Variants in ABI3 observed in about 807,000 individuals in gnomAD.
The protein encoded by ABI3 is ABI family member 3.
A neutral mutation model predicts 37.0 loss-of-function variants in ABI3; 24 were observed. That is an observed-to-expected ratio of 0.65 (90% CI 0.47 to 0.91). The LOEUF is 0.91. Among genes scored for constraint, ABI3 ranks in the 40% least tolerant of loss-of-function variants. The pLI, the probability that ABI3 is intolerant of heterozygous loss-of-function variation, is 0.00. For missense variants in ABI3, 481 were observed against 485.1 expected (o/e 0.99, Z 0.08); for synonymous variants, 220 against 211.8 (o/e 1.04, Z -0.34).
In ABI3 at chr17:49,219,106, A is replaced by C. The variant is rs1402107031; in HGVS notation, c.463-434A>C. 1.3e-5 allele frequency among the ~76,000 whole-genome samples: 2 copies of C among 152,036 alleles called. No individual in the cohort carries two copies. Among genetic ancestry groups the C allele is most frequent in the East Asian group, 3.9e-4 (2 of 5,190 alleles). On this transcript the variant is annotated intron_variant, in intron 3 of 7. Coordinates refer to ENST00000225941, the MANE Select transcript of ABI3 (RefSeq NM_016428.3). This position sits in a 1 kb window ranked among gnomAD's most constrained non-coding sequence, Gnocchi z 4.3. ...CCTGGGTCTTGCTCCTCTCTGCCCT[A>C]ACTCCCCAAAGCCAGTTCCACAAAT...
chr17:49,222,328 C>A (rs1429037163), intron 7 of ABI3, 103 bp downstream of exon 7: 4 of 1,474,688 alleles, frequency 2.7e-6, no homozygotes, highest in Non-Finnish European at 3.6e-6. Context: ...CCCCCGGGCC[C>A]CCCACACAAT....
chr17:49,215,725 C>T (rs2043212095), intron 1 of ABI3, among the ~76,000 whole-genome samples: 1 of 151,722 alleles, frequency 6.6e-6, no homozygotes. Flanking sequence ...CTCAAACTCC[C>T]GACCTCAAGT....
chr17:49,220,567 G>A (rs1249687197), intron 6 of ABI3, among the ~76,000 whole-genome samples: 1 of 152,118 alleles, frequency 6.6e-6, no homozygotes, highest in Non-Finnish European at 1.5e-5. Context: ...AATCCTGGCC[G>A]GGCGCGGTGG....
rs771368722 is a variant in ABI3 at position 49,222,134 on chromosome 17, C to G, written c.846C>G (p.Pro282=). The change falls in exon 7 of 8, where the codon CCC becomes CCG. Residue 282 remains proline (P), a synonymous_variant. Coordinates refer to ENST00000225941, the MANE Select transcript of ABI3 (RefSeq NM_016428.3). ...CACTGGACCTGCCTCCTCCTCCACC[C>G]CTGGATGGAGATGAATTGGGGCTGC... ...PLPLDLPPPP[P]LDGDELGLPP... is the part of the protein sequence containing the mutation. The G allele has an allele frequency of 1.9e-6, 3 of 1,613,508 alleles. No individual in the cohort carries two copies. Among genetic ancestry groups the G allele is most frequent in the East Asian group, 4.5e-5 (2 of 44,866 alleles).
At position 49,219,675 on chromosome 17, in the gene ABI3, C is replaced by G. The variant is rs781549743; in HGVS notation, c.548+50C>G. ...TAGCCTAGCCCTGCCCCGCGCGACC[C>G]TGAAACTCTCCTCCCCCAGCCTCGC... is the stretch of plus-strand genomic sequence containing the variant. On this transcript the variant is annotated intron_variant, in intron 4 of 7. Transcript: ENST00000225941. The surrounding 1 kb of genome is among the most constrained non-coding windows in gnomAD (Gnocchi z 4.3). The G allele has an allele frequency of 6.6e-7, 1 of 1,518,370 alleles. No homozygotes were observed. Among genetic ancestry groups the G allele is most frequent in the Non-Finnish European group, 9.0e-7 (1 of 1,116,428 alleles). 94.1% of individuals were successfully genotyped at this position (1,518,370 alleles called of 1,614,324 possible). A position where few individuals can be genotyped will look rare whatever the true frequency, so the allele number is the denominator to read the frequency against.
intron 6 of ABI3, 58 bp from the exon 7 acceptor site, chr17:49,222,033 T>A: frequency 6.6e-7 from 1 of 1,514,442 alleles, no homozygotes; most frequent in Non-Finnish European, 8.8e-7. Context: ...AGCAGTTCCC[T>A]GACACACTGA....
At chr17:49,222,067 C>T in intron 6 of ABI3, 24 bp from the exon 7 acceptor site, 8 of 1,573,394 alleles carry the variant, frequency 5.1e-6, no homozygotes, top group Non-Finnish European at 6.9e-6. Context: ...GCCACACTTA[C>T]AGCCTTTCTG....
rs1028674743 is a variant in ABI3, at chr17:49,220,406, A to C, written c.802+80A>C. 6.5e-5 allele frequency: 97 copies of C among 1,495,316 alleles called. 1 individual carries two copies. The Admixed American group carries it at 2.0e-3, about 31-fold the overall frequency. The allele number at this position is 1,495,316 out of a possible 1,614,324, so 92.6% of individuals were successfully genotyped here. On this transcript the variant is annotated intron_variant, in intron 6 of 7. Transcript: ENST00000225941. ...CCACTCCCCAGCCCACCTCTCTTGGATCTGCCCCGGCCAGCCTCAGTGAAT... is the reference window on the plus strand; with the variant it reads ...CCACTCCCCAGCCCACCTCTCTTGGCTCTGCCCCGGCCAGCCTCAGTGAAT...
intron 6 of ABI3, among the ~76,000 whole-genome samples, 154 bp downstream of exon 6, chr17:49,220,480 G>C (rs1477340427): frequency 6.6e-6 from 1 of 152,236 alleles, no homozygotes; most frequent in African/African-American, 2.4e-5. Flanking sequence ...CAGAGGAAGT[G>C]AACTAACATA....
chr17:49,213,793 A>G (rs2043193691), intron 1 of ABI3, among the ~76,000 whole-genome samples: 1 of 152,244 alleles, frequency 6.6e-6, no homozygotes, highest in African/African-American at 2.4e-5. Flanking sequence ...ACTGTACAGA[A>G]GAAGGCAGGC....
At position 49,220,315 on chromosome 17, in the gene ABI3, C is replaced by T. The variant is rs752155600; in HGVS notation, c.791C>T (p.Pro264Leu). 17 of 1,588,414 alleles carry T rather than the reference C, an allele frequency of 1.1e-5. No homozygotes were observed. In the African/African-American group the frequency reaches 1.7e-4, roughly 16 times the overall value. The change falls in exon 6 of 8, where the codon CCA (proline) becomes CTA (leucine). Residue 264 changes from proline to leucine, a missense_variant. Pro to Leu is a moderately conservative substitution (Grantham distance 98). Transcript: ENST00000225941. ...CCTCCCACGCTGGAGGAGTTGTCCC[C>T]ACCCCCACCGGGTAAGGAGGTCCAC... ...QRPPTLEELS[P>L]PPPDEELPLP...
At chr17:49,218,128 T>C (rs2043241271) in intron 3 of ABI3, among the ~76,000 whole-genome samples, 1 of 152,240 alleles carries the variant, frequency 6.6e-6, no homozygotes, top group Admixed American at 6.5e-5. Context: ...TCGGAGGATC[T>C]GCTGAGTGTG....
chr17:49,211,942 A>G (rs2043172288), intron 1 of ABI3, among the ~76,000 whole-genome samples: 1 of 139,000 alleles, frequency 7.2e-6, no homozygotes. Context: ...CACTGTGCCC[A>G]GCCAGCCTTT....
At chr17:49,222,028 T>G in intron 6 of ABI3, 63 bp from the exon 7 acceptor site, 1 of 1,506,234 alleles carries the variant, frequency 6.6e-7, no homozygotes, top group Non-Finnish European at 8.9e-7. Context: ...TCTTGAGCAG[T>G]TCCCTGACAC....
Position 49,216,635 on chromosome 17 carries a change from C to T in ABI3, c.222C>T (p.Arg74=). The T allele has an allele frequency of 1.2e-6, 2 of 1,611,614 alleles. No homozygotes were observed. The highest frequency in any genetic ancestry group is 1.7e-6 in the Non-Finnish European group (2 of 1,179,102). The stretch of plus-strand genomic sequence containing the variant: ...GCAACCTGGCCGGGCACACTCTGCG[C>T]ATGTTGGACCTGCAGGGGGCCGCCC... ...QVGNLAGHTL[R]MLDLQGAALR... Residue 74 remains arginine, a synonymous_variant, in exon 2 of 8, where the codon CGC becomes CGT. Transcript: ENST00000225941.
rs1264723537 is a variant in ABI3 at position 49,211,490 on chromosome 17, G to A, written c.117+649G>A. Among the ~76,000 whole-genome samples, 3 of 152,298 alleles carry A rather than the reference G, an allele frequency of 2.0e-5. No homozygotes were observed. In the East Asian group the frequency reaches 5.8e-4, roughly 29 times the overall value. ...CATAGATTCCTGGATTCAGGGAGGA[G>A]AGGCAAGGCAACTGAGCCATGATGG... On this transcript the variant is annotated intron_variant, in intron 1 of 7. Coordinates refer to ENST00000225941, the MANE Select transcript of ABI3 (RefSeq NM_016428.3).
At chr17:49,217,082 G>A (rs2043226512) in intron 2 of ABI3, among the ~76,000 whole-genome samples, 2 of 152,208 alleles carry the variant, frequency 1.3e-5, no homozygotes, top group Admixed American at 1.3e-4. Context: ...TGGAAGCACA[G>A]CCACCACTAT....
chr17:49,216,310 C>G (rs2043217233), intron 1 of ABI3, among the ~76,000 whole-genome samples: 1 of 151,960 alleles, frequency 6.6e-6, no homozygotes, highest in Non-Finnish European at 1.5e-5. Context: ...CATCCATTCC[C>G]CAAGGCTGCA....
chr17:49,222,291 C>A, intron 7 of ABI3, 66 bp downstream of exon 7: 1 of 1,556,962 alleles, frequency 6.4e-7, no homozygotes, highest in Non-Finnish European at 8.7e-7. Flanking sequence ...TCCCCATTCT[C>A]CTCCCTCTGC....
Sources: gnomAD v4.1 joint callset for allele counts (sites outside exome capture counted in the v4.1 genomes callset) on GRCh38, gnomAD v4.1.1 for gene constraint, Gnocchi (gnomAD v3.1) non-coding constraint, MANE v1.5 for transcripts, NCBI Gene and HGNC (gene_info 2026-07-23, HGNC 2026-07-21) for gene names.